HSD17B2: variants seen among roughly 807,000 people sequenced by gnomAD.
HSD17B2 encodes the protein hydroxysteroid 17-beta dehydrogenase 2.
A neutral mutation model predicts 26.9 loss-of-function variants in HSD17B2; 32 were observed. The ratio of observed to expected loss-of-function variants is 1.19; its 90% confidence interval spans 0.90 to 1.60. The LOEUF (loss-of-function observed/expected upper bound fraction) is 1.60, where lower values mean the gene tolerates loss of function less well. Among genes scored for constraint, HSD17B2 ranks in the 40% most tolerant of loss-of-function variants. The probability of loss-of-function intolerance (pLI) is 0.00; values close to 1 mark genes in which losing one functional copy is unlikely to be tolerated. For synonymous variants in HSD17B2, 246 were observed against 186.7 expected (o/e 1.32, Z -2.59); for missense variants, 613 against 468.6 (o/e 1.31, Z -2.85).
chr16:82,089,365 C>T (rs1159775945), intron 3 of HSD17B2, among the ~76,000 whole-genome samples: 2 of 152,124 alleles, frequency 1.3e-5, no homozygotes, highest in East Asian at 3.8e-4. Context: ...TATCCATTCA[C>T]CCAGTGGATG....
At chr16:82,093,459 T>G (rs1363249800) in intron 4 of HSD17B2, 2 of 152,250 alleles carry the variant, frequency 1.3e-5, no homozygotes, top group African/African-American at 4.8e-5. Context: ...TTCATTGCTG[T>G]GCAGTATTCT....
At chr16:82,074,775 C>A (rs1425898268) in intron 3 of HSD17B2, among the ~76,000 whole-genome samples, 1 of 152,204 alleles carries the variant, frequency 6.6e-6, no homozygotes, top group African/African-American at 2.4e-5. Flanking sequence ...ACTCCACTTT[C>A]AGCTTTGGAT....
chr16:82,040,062 C>G (rs1213626928), intron 1 of HSD17B2, among the ~76,000 whole-genome samples: 1 of 152,198 alleles, frequency 6.6e-6, no homozygotes, highest in Non-Finnish European at 1.5e-5. Context: ...AGCTAGCACT[C>G]AATAAGGCTT....
intron 1 of HSD17B2, among the ~76,000 whole-genome samples, chr16:82,057,323 T>C (rs972891719): frequency 4.6e-5 from 7 of 152,062 alleles, no homozygotes. Flanking sequence ...CTCAGCCTCC[T>C]GAATAGCTGG....
At chr16:82,069,064 A>G (rs1914638003) in intron 2 of HSD17B2, among the ~76,000 whole-genome samples, 1 of 151,552 alleles carries the variant, frequency 6.6e-6, no homozygotes, top group African/African-American at 2.4e-5. Flanking sequence ...CTGATGCTCT[A>G]CCTCCCCTCC....
At chr16:82,070,274 C>T (rs1165232548) in intron 2 of HSD17B2, among the ~76,000 whole-genome samples, 1 of 152,120 alleles carries the variant, frequency 6.6e-6, no homozygotes, top group East Asian at 1.9e-4. Context: ...ATCCTCAGTG[C>T]CTGTATCCTA....
At chr16:82,078,723 A>G (rs1029400257) in intron 3 of HSD17B2, among the ~76,000 whole-genome samples, 16 of 152,238 alleles carry the variant, frequency 1.1e-4, no homozygotes, top group African/African-American at 3.1e-4. Context: ...CTGCAATAAC[A>G]TGGATGGAAC....
intron 1 of HSD17B2, among the ~76,000 whole-genome samples, chr16:82,054,084 C>T (rs1432685613): frequency 6.6e-5 from 10 of 152,068 alleles, no homozygotes. Flanking sequence ...TTGTCTTTCT[C>T]CAAGTCACCT....
intron 3 of HSD17B2, among the ~76,000 whole-genome samples, chr16:82,075,417 G>C (rs1011374205): frequency 1.3e-5 from 2 of 152,114 alleles, no homozygotes; most frequent in Non-Finnish European, 1.5e-5. Flanking sequence ...TGAAAAGTTG[G>C]TTTCTGGAAA....
At chr16:82,079,740 A>T (rs1296642320) in intron 3 of HSD17B2, among the ~76,000 whole-genome samples, 1 of 152,230 alleles carries the variant, frequency 6.6e-6, no homozygotes, top group Non-Finnish European at 1.5e-5. Flanking sequence ...CGGAAAAGAA[A>T]AAGCTAGAAT....
At chr16:82,051,880 T>G (rs1914119163) in intron 1 of HSD17B2, among the ~76,000 whole-genome samples, 2 of 152,230 alleles carry the variant, frequency 1.3e-5, no homozygotes, top group Admixed American at 6.5e-5. Flanking sequence ...ATACTACTTT[T>G]GAGAGTTTGC....
At chr16:82,043,183 C>T (rs1913814245) in intron 1 of HSD17B2, among the ~76,000 whole-genome samples, 1 of 152,204 alleles carries the variant, frequency 6.6e-6, no homozygotes, top group African/African-American at 2.4e-5. Context: ...CCAAGCTTTT[C>T]CCTAGTGGAG....
Position 82,035,704 on chromosome 16 carries a change from C to A in HSD17B2, c.265+15C>A, listed in dbSNP as rs771369731. ...CCTGGTGACAGGTAAGCAGACGGTG[C>A]TACAATTTTCACTGAGGGTATGATC... On this transcript the variant is annotated intron_variant, in intron 1 of 4. Transcript: ENST00000199936. 6.2e-7 allele frequency: 1 copy of A among 1,609,674 alleles called. No individual in the cohort carries two copies. Among genetic ancestry groups the A allele is most frequent in the Non-Finnish European group, 8.5e-7 (1 of 1,177,482 alleles).
At chr16:82,094,809 G>T (rs1200336196) in intron 4 of HSD17B2, 1 of 152,146 alleles carries the variant, frequency 6.6e-6, no homozygotes, top group Non-Finnish European at 1.5e-5. Flanking sequence ...GATTTTAAGT[G>T]CTTTATGTGC....
intron 3 of HSD17B2, among the ~76,000 whole-genome samples, chr16:82,084,894 G>C (rs1904481630): frequency 6.6e-6 from 1 of 152,162 alleles, no homozygotes; most frequent in Non-Finnish European, 1.5e-5. Flanking sequence ...CATCACATCT[G>C]CTAATTTATT....
At chr16:82,062,809 C>T (rs1174901357) in intron 1 of HSD17B2, among the ~76,000 whole-genome samples, 2 of 152,248 alleles carry the variant, frequency 1.3e-5, no homozygotes, top group African/African-American at 4.8e-5. Context: ...AAAGCCCTGG[C>T]TTTGTTGCCA....
intron 1 of HSD17B2, among the ~76,000 whole-genome samples, chr16:82,047,170 C>T (rs1042225479): frequency 3.3e-5 from 5 of 152,204 alleles, no homozygotes; most frequent in Non-Finnish European, 7.3e-5. Context: ...TGGCACTTCT[C>T]CAGTGAGCAA....
At chr16:82,092,977 G>A (rs1025128489) in intron 4 of HSD17B2, 1 of 152,186 alleles carries the variant, frequency 6.6e-6, no homozygotes, top group African/African-American at 2.4e-5. Flanking sequence ...GTTAGGTTAT[G>A]ATTTTGGAGA....
chr16:82,076,645 G>C (rs909711755), intron 3 of HSD17B2, among the ~76,000 whole-genome samples: 2 of 152,200 alleles, frequency 1.3e-5, no homozygotes, highest in Non-Finnish European at 2.9e-5. Context: ...CGTGATCTCG[G>C]CTCACTGCAG....
Sources: gnomAD v4.1 joint callset for allele counts (sites outside exome capture counted in the v4.1 genomes callset) on GRCh38, gnomAD v4.1.1 for gene constraint, MANE v1.5 for transcripts, NCBI Gene and HGNC (gene_info 2026-07-23, HGNC 2026-07-21) for gene names.